SPIDR: variants seen among roughly 807,000 people sequenced by gnomAD.
SPIDR encodes the protein scaffold protein involved in DNA repair, also known as DNA repair-scaffolding protein.
In SPIDR, 93 loss-of-function variants were observed where a neutral mutation model predicts 104.6. The ratio of observed to expected loss-of-function variants is 0.89; its 90% CI spans 0.75 to 1.06. The LOEUF is 1.06. SPIDR is among the 50% of genes least tolerant of loss of function. SPIDR has a pLI of 0.00. For synonymous variants in SPIDR, 431 were observed against 416.9 expected (o/e 1.03, Z -0.41); for missense variants, 1,154 against 1,111.2 (o/e 1.04, Z -0.55).
At chr8:47,540,196 ACTTC>A (rs2087823370) in intron 8 of SPIDR, among the ~76,000 whole-genome samples, 2 of 152,184 alleles carry the variant, frequency 1.3e-5, no homozygotes, top group Non-Finnish European at 1.5e-5. Flanking sequence ...TAGGACCAAA[ACTTC>A]CAATGAAACA....
At chr8:47,356,364 A>T (rs2054546656) in intron 5 of SPIDR, among the ~76,000 whole-genome samples, 1 of 152,188 alleles carries the variant, frequency 6.6e-6, no homozygotes, top group Non-Finnish European at 1.5e-5. Flanking sequence ...TTTCTCATTC[A>T]GTGAAGGCCC....
chr8:47,472,219 T>C (rs1554721474), intron 8 of SPIDR, among the ~76,000 whole-genome samples: 1 of 152,244 alleles, frequency 6.6e-6, no homozygotes, highest in Non-Finnish European at 1.5e-5. Context: ...CAGACGTCCC[T>C]GTGCTAGTCT....
At chr8:47,360,264 A>AG (rs1267916668) in intron 5 of SPIDR, among the ~76,000 whole-genome samples, 6 of 150,222 alleles carry the variant, frequency 4.0e-5, no homozygotes, top group Non-Finnish European at 8.9e-5. Flanking sequence ...AAAAAAAAAA[A>AG]AAAAAAAGAA....
chr8:47,360,199 G>T (rs1368435260), intron 5 of SPIDR, among the ~76,000 whole-genome samples: 1 of 119,350 alleles, frequency 8.4e-6, no homozygotes, highest in Admixed American at 1.2e-4. Context: ...CGGAGATCGC[G>T]CCACTGTGCT....
At chr8:47,341,056 G>T (rs367565074) in intron 5 of SPIDR, among the ~76,000 whole-genome samples, 7 of 152,260 alleles carry the variant, frequency 4.6e-5, no homozygotes, top group Middle Eastern at 3.4e-3. Context: ...AGTCAGCTTG[G>T]GGGGGATGCC....
intron 11 of SPIDR, among the ~76,000 whole-genome samples, chr8:47,678,795 G>C (rs1350704794): frequency 6.6e-6 from 1 of 152,178 alleles, no homozygotes; most frequent in Non-Finnish European, 1.5e-5. Context: ...GCATTTCAGA[G>C]AATGAGCCAA....
chr8:47,664,104 A>G (rs2074533593), intron 10 of SPIDR, among the ~76,000 whole-genome samples: 1 of 152,138 alleles, frequency 6.6e-6, no homozygotes, highest in African/African-American at 2.4e-5. Context: ...GCTCTACTCT[A>G]GGGGGTCCAG....
At chr8:47,716,384 C>T (rs1193652669) in intron 16 of SPIDR, among the ~76,000 whole-genome samples, 1 of 152,144 alleles carries the variant, frequency 6.6e-6, no homozygotes, top group Non-Finnish European at 1.5e-5. Flanking sequence ...CTTGTGATTC[C>T]ATTGTTGCTT....
chr8:47,583,674 G>A (rs960535827), intron 8 of SPIDR, among the ~76,000 whole-genome samples: 3 of 152,174 alleles, frequency 2.0e-5, no homozygotes, highest in African/African-American at 7.2e-5. Flanking sequence ...TCCTCTGCCT[G>A]CTAATAAAGG....
intron 1 of SPIDR, among the ~76,000 whole-genome samples, chr8:47,271,174 A>C (rs1231713924): frequency 6.6e-6 from 1 of 152,234 alleles, no homozygotes; most frequent in African/African-American, 2.4e-5. Context: ...GTTTTTCACC[A>C]GTTGACATGG....
At chr8:47,545,731 A>G (rs1392790394) in intron 8 of SPIDR, among the ~76,000 whole-genome samples, 3 of 152,128 alleles carry the variant, frequency 2.0e-5, no homozygotes, top group Non-Finnish European at 4.4e-5. Flanking sequence ...GAAAGTTTTC[A>G]GTCTTTCCCC....
intron 4 of SPIDR, among the ~76,000 whole-genome samples, chr8:47,292,278 G>A (rs1258955392): frequency 6.6e-6 from 1 of 151,866 alleles, no homozygotes; most frequent in Admixed American, 6.6e-5. Context: ...TTCTCGGGAG[G>A]GTAGTTAAAT....
chr8:47,656,214 T>A (rs1334998391), intron 10 of SPIDR, among the ~76,000 whole-genome samples: 1 of 152,142 alleles, frequency 6.6e-6, no homozygotes, highest in Non-Finnish European at 1.5e-5. Flanking sequence ...TAAATGAGAC[T>A]TCATCGAAAT....
chr8:47,551,652 C>T (rs1727801754), intron 8 of SPIDR, among the ~76,000 whole-genome samples: 1 of 151,912 alleles, frequency 6.6e-6, no homozygotes, highest in South Asian at 2.1e-4. Flanking sequence ...CTATCTGATT[C>T]TTCTCTCTTT....
At chr8:47,406,091 C>CT (rs548168516) in intron 6 of SPIDR, among the ~76,000 whole-genome samples, 409 of 134,936 alleles carry the variant, frequency 3.0e-3, no homozygotes, top group South Asian at 5.2e-3. Flanking sequence ...TTCATTTTGC[C>CT]TTTTTTTTTT....
At chr8:47,349,935 G>A (rs185469065) in intron 5 of SPIDR, among the ~76,000 whole-genome samples, 5 of 152,284 alleles carry the variant, frequency 3.3e-5, no homozygotes, top group South Asian at 2.1e-4. Context: ...TGGGTGAGGC[G>A]ATGCCCCGCC....
chr8:47,556,373 T>A (rs989177821), intron 8 of SPIDR, among the ~76,000 whole-genome samples: 25 of 152,302 alleles, frequency 1.6e-4, no homozygotes, highest in Non-Finnish European at 3.2e-4. Flanking sequence ...AGACACTGGG[T>A]TTAATCTGGG....
At chr8:47,330,182 G>T (rs1372556157) in intron 5 of SPIDR, among the ~76,000 whole-genome samples, 4 of 150,700 alleles carry the variant, frequency 2.7e-5, no homozygotes, top group African/African-American at 9.7e-5. Flanking sequence ...TTTGGTGGTG[G>T]TGCTTTTCTT....
Position 47,713,501 on chromosome 8 carries a change from G to A in SPIDR, c.2201G>A (p.Cys734Tyr), listed in dbSNP as rs766927934. The A allele has an allele frequency of 1.9e-5, 31 of 1,614,050 alleles. No individual in the cohort carries two copies. Among genetic ancestry groups the A allele is most frequent in the Non-Finnish European group, 2.6e-5 (31 of 1,180,026 alleles). The change falls in exon 16 of 20, where the codon TGT (cysteine) becomes TAT (tyrosine). Residue 734 changes from cysteine (C) to tyrosine (Y), a missense_variant. Cys to Tyr is a radical substitution (Grantham distance 194). Coordinates refer to ENST00000297423, the MANE Select transcript of SPIDR (RefSeq NM_001080394.4). ...DALRDQGRIVCAERTVLLLQK... is the reference protein window; with the variant it reads ...DALRDQGRIVYAERTVLLLQK... ...TCTCTGTCGGCAGGTCGGATTGTTTGTGCTGAACGAACTGTCCTCTTGCTT... is the reference window on the plus strand; with the variant it reads ...TCTCTGTCGGCAGGTCGGATTGTTTATGCTGAACGAACTGTCCTCTTGCTT...
Sources: allele counts gnomAD v4.1 joint callset (sites outside exome capture counted in the v4.1 genomes callset), GRCh38; gene constraint gnomAD v4.1.1; transcripts MANE v1.5; gene names NCBI Gene and HGNC (gene_info 2026-07-23, HGNC 2026-07-21).